TMEM131L: variants seen among roughly 807,000 people sequenced by gnomAD.
TMEM131L encodes the protein transmembrane protein 131-like.
A neutral mutation model predicts 192.2 loss-of-function variants in TMEM131L; 54 were observed. The observed-to-expected ratio is 0.28, with a 90% CI of 0.23 to 0.35. The LOEUF (loss-of-function observed/expected upper bound fraction) is 0.35. Ranked by LOEUF, TMEM131L falls within the 10% of genes least tolerant of loss-of-function variation. The pLI is 1.00. For missense variants in TMEM131L, 1,888 were observed against 1,972.9 expected (o/e 0.96, Z 0.82); for synonymous variants, 701 against 704.9 (o/e 0.99, Z 0.09).
chr4:153,632,420 A>G (rs965829970), intron 31 of TMEM131L: 1 of 277,386 alleles, frequency 3.6e-6, no homozygotes, highest in Non-Finnish European at 6.9e-6. Flanking sequence ...TAGCTTGTTC[A>G]CTGCTGTATC....
At chr4:153,549,974 T>C in intron 3 of TMEM131L, 99 bp from the exon 4 acceptor site, 1 of 492,236 alleles carries the variant, frequency 2.0e-6, no homozygotes, top group Non-Finnish European at 3.6e-6. Context: ...GGAGTAAAAT[T>C]ATATGTCATG....
chr4:153,532,860 A>G (rs1205704615), intron 3 of TMEM131L, among the ~76,000 whole-genome samples: 1 of 152,156 alleles, frequency 6.6e-6, no homozygotes, highest in Non-Finnish European at 1.5e-5. Flanking sequence ...TTCAGCTTCA[A>G]GTGACAGATT....
At chr4:153,606,837 TC>T (rs1732271303) in intron 25 of TMEM131L, among the ~76,000 whole-genome samples, 1 of 152,234 alleles carries the variant, frequency 6.6e-6, no homozygotes, top group Non-Finnish European at 1.5e-5. Context: ...ACTTTTGCTT[TC>T]CACCATGTTC....
chr4:153,580,842 C>A lies in TMEM131L; in HGVS notation c.677C>A (p.Thr226Asn). 6.2e-7 allele frequency: 1 copy of A among 1,611,782 alleles called. No individual in the cohort carries two copies. The highest frequency in any genetic ancestry group is 8.5e-7 in the Non-Finnish European group (1 of 1,177,932). The change falls in exon 8 of 35, where the codon ACT (threonine) becomes AAT (asparagine). Residue 226 changes from threonine to asparagine, a missense_variant. Physicochemically the swap from Thr to Asn is moderately conservative, Grantham distance 65. Coordinates refer to ENST00000409959, the MANE Select transcript of TMEM131L (RefSeq NM_001131007.2). Reference sequence around the variant, plus strand: ...TTCTTTTAGGCAGAAACCACTAATACTAGCCTCTTGCAGGTGCAACTGGAA... The same window carrying A: ...TTCTTTTAGGCAGAAACCACTAATAATAGCCTCTTGCAGGTGCAACTGGAA... The part of the protein sequence containing the change: ...LSQMQAETTN[T>N]SLLQVQLECS...
At chr4:153,556,024 C>G in intron 5 of TMEM131L, 114 bp downstream of exon 5, 1 of 991,390 alleles carries the variant, frequency 1.0e-6, no homozygotes, top group Non-Finnish European at 1.4e-6. Flanking sequence ...TTTCTGGTAC[C>G]CAAACCTTTT....
intron 7 of TMEM131L, among the ~76,000 whole-genome samples, chr4:153,571,157 A>G (rs1383452226): frequency 6.6e-6 from 1 of 152,138 alleles, no homozygotes; most frequent in African/African-American, 2.4e-5. Context: ...CTATAGTTCA[A>G]ACAAATCTTT....
intron 7 of TMEM131L, among the ~76,000 whole-genome samples, chr4:153,568,628 A>G (rs1411058579): frequency 1.3e-5 from 2 of 152,034 alleles, no homozygotes; most frequent in East Asian, 3.8e-4. Context: ...TAGTAAATCA[A>G]TGATTGACAA....
At chr4:153,522,158 T>C (rs190444905) in intron 3 of TMEM131L, among the ~76,000 whole-genome samples, 112 of 152,210 alleles carry the variant, frequency 7.4e-4, no homozygotes, top group African/African-American at 2.4e-3. Flanking sequence ...TGTGAGGCTG[T>C]GGTGAAGGAG....
At position 153,598,553 on chromosome 4, in the gene TMEM131L, T is replaced by G. The variant is rs780528503; in HGVS notation, c.2124-37T>G. 24 of 1,575,840 alleles carry G rather than the reference T, an allele frequency of 1.5e-5. No homozygotes were observed. The South Asian group carries it at 2.3e-4, about 15-fold the overall frequency. On this transcript the variant is annotated intron_variant, in intron 20 of 34. Transcript: ENST00000409959. Reference sequence around the variant, plus strand: ...AAGTACATTGTACCTTGTGACTCCATGTAATGCCTTTTTATATCTATTTCC... The same window carrying G: ...AAGTACATTGTACCTTGTGACTCCAGGTAATGCCTTTTTATATCTATTTCC...
intron 3 of TMEM131L, among the ~76,000 whole-genome samples, chr4:153,480,610 A>G (rs1186349769): frequency 6.6e-6 from 1 of 151,002 alleles, no homozygotes; most frequent in Non-Finnish European, 1.5e-5. Context: ...CCAGGGTTCC[A>G]CTGGGGACCT....
At chr4:153,593,981 C>A in intron 19 of TMEM131L, 110 bp downstream of exon 19, 2 of 723,342 alleles carry the variant, frequency 2.8e-6, no homozygotes, top group South Asian at 1.6e-5. Context: ...ATATATGGCT[C>A]TTTTATTTTG....
At chr4:153,560,696 C>G (rs886679084) in intron 7 of TMEM131L, among the ~76,000 whole-genome samples, 2 of 152,192 alleles carry the variant, frequency 1.3e-5, no homozygotes, top group Non-Finnish European at 2.9e-5. Context: ...TGGCATCTTT[C>G]CCTTAGCATG....
At chr4:153,630,322 T>C (rs115993544) in intron 31 of TMEM131L, among the ~76,000 whole-genome samples, 3,314 of 152,308 alleles carry the variant, frequency 0.022, 91 homozygotes, top group Admixed American at 0.08. Flanking sequence ...GAGGCCACTT[T>C]GCAGTATTGA....
At chr4:153,589,559 T>A (rs1386770850) in intron 16 of TMEM131L, among the ~76,000 whole-genome samples, 1 of 152,162 alleles carries the variant, frequency 6.6e-6, no homozygotes, top group Non-Finnish European at 1.5e-5. Context: ...AATATAAAAG[T>A]TATGAATTAT....
At chr4:153,488,322 G>A (rs1732509680) in intron 3 of TMEM131L, among the ~76,000 whole-genome samples, 1 of 152,216 alleles carries the variant, frequency 6.6e-6, no homozygotes, top group East Asian at 1.9e-4. Flanking sequence ...AGAAACTGGG[G>A]TGGGCGGAAG....
chr4:153,581,256 A>G, intron 8 of TMEM131L, 151 bp from the exon 9 acceptor site: 1 of 582,968 alleles, frequency 1.7e-6, no homozygotes, highest in Non-Finnish European at 2.7e-6. Context: ...TCCGTCTCAA[A>G]ATAAAATAAA....
chr4:153,482,807 C>T (rs1732038765), intron 3 of TMEM131L, among the ~76,000 whole-genome samples: 1 of 151,938 alleles, frequency 6.6e-6, no homozygotes, highest in Non-Finnish European at 1.5e-5. Flanking sequence ...CTATGTTGCC[C>T]ACACTGTTCT....
chr4:153,601,685 G>C (rs1731848908), intron 21 of TMEM131L, among the ~76,000 whole-genome samples: 2 of 152,142 alleles, frequency 1.3e-5, no homozygotes, highest in Admixed American at 1.3e-4. Flanking sequence ...GCACATGTTT[G>C]AACTGTGTTT....
rs1361503247 is a variant in TMEM131L, at chr4:153,555,055, A to T, written c.309-732A>T. ...TGAAGCTGTGTATGAAACTTTTCGT[A>T]AGTGTATGTTTGTGGAGGGAAGAGC... On this transcript the variant is annotated intron_variant, in intron 4 of 34. Coordinates refer to ENST00000409959, the MANE Select transcript of TMEM131L (RefSeq NM_001131007.2). The surrounding 1 kb of genome is among the most constrained non-coding windows in gnomAD (Gnocchi z 4.1). 6.6e-6 allele frequency among the ~76,000 whole-genome samples: 1 copy of T among 152,192 alleles called. No homozygotes were observed. The highest frequency in any genetic ancestry group is 1.9e-4 in the East Asian group (1 of 5,204).
Sources: allele counts gnomAD v4.1 joint callset (sites outside exome capture counted in the v4.1 genomes callset), GRCh38; gene constraint gnomAD v4.1.1; non-coding constraint Gnocchi (gnomAD v3.1); transcripts MANE v1.5; gene names NCBI Gene and HGNC (gene_info 2026-07-23, HGNC 2026-07-21).